The following ALCAM variants were observed in gnomAD, a reference collection of about 807,000 sequenced individuals.
The protein encoded by ALCAM is CD166 antigen.
A neutral mutation model predicts 70.9 loss-of-function variants in ALCAM; 30 were observed. That is an observed-to-expected ratio of 0.42 (90% confidence interval 0.32 to 0.57). The LOEUF is 0.57. Among genes scored for constraint, ALCAM ranks in the 20% least tolerant of loss-of-function variants. The probability of loss-of-function intolerance (pLI) is 0.11; values close to 1 mark genes in which losing one functional copy is unlikely to be tolerated. For synonymous variants in ALCAM, 249 were observed against 242.5 expected (o/e 1.03, Z -0.25); for missense variants, 591 against 695.1 (o/e 0.85, Z 1.68).
intron 1 of ALCAM, among the ~76,000 whole-genome samples, chr3:105,476,542 A>C (rs1938116223): frequency 6.6e-6 from 1 of 151,876 alleles, no homozygotes; most frequent in Admixed American, 6.6e-5. Flanking sequence ...AGTATACTTT[A>C]CTGGTTCCAG....
chr3:105,572,321 A>T (rs572325363), intron 15 of ALCAM, among the ~76,000 whole-genome samples: 2 of 152,230 alleles, frequency 1.3e-5, no homozygotes, highest in East Asian at 3.9e-4. Context: ...CTTATGAGTG[A>T]AAACATGCAA....
intron 1 of ALCAM, among the ~76,000 whole-genome samples, chr3:105,398,547 T>C (rs1357082788): frequency 6.6e-6 from 1 of 152,146 alleles, no homozygotes; most frequent in Non-Finnish European, 1.5e-5. Flanking sequence ...CATCCAGTTT[T>C]CCATAGTCTT....
At chr3:105,409,497 G>C (rs1022817799) in intron 1 of ALCAM, among the ~76,000 whole-genome samples, 3 of 152,074 alleles carry the variant, frequency 2.0e-5, no homozygotes, top group Admixed American at 6.6e-5. Context: ...ATATGTGGGA[G>C]CTAAGCTATA....
chr3:105,390,233 A>G (rs1935780367), intron 1 of ALCAM, among the ~76,000 whole-genome samples: 1 of 151,876 alleles, frequency 6.6e-6, no homozygotes, highest in Non-Finnish European at 1.5e-5. Flanking sequence ...ATTTCTCCAT[A>G]GCCTTGCCAG....
rs749625480 is a variant in ALCAM, at chr3:105,563,667, C to CTTTTTTTTTTTTTTT, written c.1665-8168_1665-8154dup. 2.9e-3 allele frequency among the ~76,000 whole-genome samples: 152 copies of CTTTTTTTTTTTTTTT among 52,046 alleles called. 28 individuals carry two copies. The highest frequency in any genetic ancestry group is 7.9e-3 in the African/African-American group (78 of 9,898). 34.1% of individuals were successfully genotyped at this position (52,046 alleles called of 152,430 possible). ...GACCTGTATGAAATTCCAAGCATTTCTTTTTTTTTTTTTTTTTTTTTTTTT... is the reference window on the plus strand; with the variant it reads ...GACCTGTATGAAATTCCAAGCATTTCTTTTTTTTTTTTTTTTTTTTTTTTTTTTTTTTTTTTTTTT... On this transcript the variant is annotated intron_variant, in intron 14 of 15. Coordinates refer to ENST00000306107, the MANE Select transcript of ALCAM (RefSeq NM_001627.4).
In ALCAM at chr3:105,556,759, C is replaced by T. The variant is rs74479219; in HGVS notation, c.1664+4174C>T. ...TTTTAACTGAATTCTATTTCCCAGT[C>T]AATACTCAGCTAAAAGCAAATATAT... is the stretch of plus-strand genomic sequence containing the variant. On this transcript the variant is annotated intron_variant, in intron 14 of 15. Coordinates refer to ENST00000306107, the MANE Select transcript of ALCAM (RefSeq NM_001627.4). Among the ~76,000 whole-genome samples, 316 of 152,078 alleles carry T rather than the reference C, an allele frequency of 2.1e-3. 1 individual carries two copies. Among genetic ancestry groups the T allele is most frequent in the African/African-American group, 7.3e-3 (304 of 41,516 alleles).
intron 3 of ALCAM, among the ~76,000 whole-genome samples, chr3:105,531,716 T>G (rs1366006950): frequency 2.0e-5 from 3 of 152,140 alleles, no homozygotes; most frequent in Non-Finnish European, 1.5e-5. Context: ...CATTAGCCCC[T>G]GTTTCACTAT....
chr3:105,460,472 G>C (rs1298837240), intron 1 of ALCAM, among the ~76,000 whole-genome samples: 6 of 152,118 alleles, frequency 3.9e-5, no homozygotes, highest in East Asian at 3.9e-4. Context: ...CTTTAAGAAA[G>C]TGAATTTACA....
intron 1 of ALCAM, among the ~76,000 whole-genome samples, chr3:105,422,592 T>A (rs891965620): frequency 1.3e-5 from 2 of 151,486 alleles, no homozygotes; most frequent in Non-Finnish European, 3.0e-5. Flanking sequence ...TATGGCGCTG[T>A]TGTAATCATT....
At chr3:105,465,925 C>T (rs1468062626) in intron 1 of ALCAM, among the ~76,000 whole-genome samples, 2 of 151,324 alleles carry the variant, frequency 1.3e-5, no homozygotes, top group African/African-American at 4.8e-5. Flanking sequence ...AAGAAAAAGA[C>T]AGTTGTTGCC....
intron 14 of ALCAM, among the ~76,000 whole-genome samples, chr3:105,562,641 G>A (rs781163547): frequency 2.8e-4 from 43 of 151,968 alleles, no homozygotes; most frequent in Non-Finnish European, 4.9e-4. Flanking sequence ...AGAATAATGT[G>A]GATCTTATAA....
chr3:105,380,794 A>T (rs942028253), intron 1 of ALCAM, among the ~76,000 whole-genome samples: 10 of 151,940 alleles, frequency 6.6e-5, no homozygotes, highest in Admixed American at 4.6e-4. Context: ...AAACAGATTT[A>T]AAAATCTCAT....
At chr3:105,530,485 A>T (rs958901481) in intron 3 of ALCAM, among the ~76,000 whole-genome samples, 2 of 151,964 alleles carry the variant, frequency 1.3e-5, no homozygotes, top group Admixed American at 6.6e-5. Context: ...CCAATCAGGT[A>T]GTCAAGTGTC....
At chr3:105,518,726 A>G (rs531230896) in intron 1 of ALCAM, among the ~76,000 whole-genome samples, 1 of 152,210 alleles carries the variant, frequency 6.6e-6, no homozygotes, top group African/African-American at 2.4e-5. Context: ...AGTAAACCTC[A>G]TGTCTCAAGT....
At chr3:105,486,338 G>A (rs1938426777) in intron 1 of ALCAM, among the ~76,000 whole-genome samples, 1 of 152,206 alleles carries the variant, frequency 6.6e-6, no homozygotes, top group Non-Finnish European at 1.5e-5. Flanking sequence ...GCTATTTGAG[G>A]TGTTGTAGCA....
intron 15 of ALCAM, among the ~76,000 whole-genome samples, chr3:105,573,019 T>A (rs1940888552): frequency 6.6e-6 from 1 of 152,154 alleles, no homozygotes; most frequent in Admixed American, 6.5e-5. Flanking sequence ...TGAAAATAAT[T>A]TTAAAATATG....
intron 15 of ALCAM, 119 bp downstream of exon 15, chr3:105,572,083 G>T: frequency 1.7e-6 from 1 of 604,322 alleles, no homozygotes; most frequent in Non-Finnish European, 2.8e-6. Flanking sequence ...CAGGAAGAGA[G>T]GGGTTTTTTT....
At chr3:105,387,973 A>G (rs1295765591) in intron 1 of ALCAM, among the ~76,000 whole-genome samples, 1 of 151,512 alleles carries the variant, frequency 6.6e-6, no homozygotes, top group Non-Finnish European at 1.5e-5. Flanking sequence ...AGTATCCATA[A>G]TGAAGCACTA....
At chr3:105,523,562 G>T (rs544790773) in intron 2 of ALCAM, among the ~76,000 whole-genome samples, 1 of 152,210 alleles carries the variant, frequency 6.6e-6, no homozygotes, top group Non-Finnish European at 1.5e-5. Context: ...TTAGGTGAGA[G>T]AATTTTTGTG....
Sources: allele counts gnomAD v4.1 joint callset (sites outside exome capture counted in the v4.1 genomes callset), GRCh38; gene constraint gnomAD v4.1.1; transcripts MANE v1.5; gene names NCBI Gene and HGNC (gene_info 2026-07-23, HGNC 2026-07-21).